Variants in EXOC6B observed in about 807,000 individuals in gnomAD.
EXOC6B encodes SEC15 homolog B.
A neutral mutation model predicts 113.5 loss-of-function variants in EXOC6B; 54 were observed. The ratio of observed to expected loss-of-function variants is 0.48; its 90% CI spans 0.38 to 0.60. EXOC6B has a LOEUF of 0.60. Among genes scored for constraint, EXOC6B ranks in the 20% least tolerant of loss-of-function variants. The pLI is 0.00. For synonymous variants in EXOC6B, 357 were observed against 339.0 expected, an observed-to-expected ratio of 1.05 and a Z score of -0.58; for missense variants, 797 against 977.5, an observed-to-expected ratio of 0.82 and a Z score of 2.46.
chr2:72,743,302 A>G (rs1448837137), intron 1 of EXOC6B, among the ~76,000 whole-genome samples: 3 of 152,174 alleles, frequency 2.0e-5, no homozygotes, highest in Non-Finnish European at 4.4e-5. Flanking sequence ...TCCACACAGT[A>G]ACAAAAATGA....
chr2:72,665,634 G>C (rs1278315915), intron 6 of EXOC6B, among the ~76,000 whole-genome samples: 1 of 152,256 alleles, frequency 6.6e-6, no homozygotes, highest in East Asian at 1.9e-4. Context: ...ATCCTTTTCA[G>C]ACAAGCAAAC....
At chr2:72,258,447 T>C (rs1683491502) in intron 20 of EXOC6B, among the ~76,000 whole-genome samples, 1 of 150,204 alleles carries the variant, frequency 6.7e-6, no homozygotes, top group Non-Finnish European at 1.5e-5. Flanking sequence ...CACTGCAGCA[T>C]TGACCTTGGG....
At chr2:72,790,912 G>A (rs961873455) in intron 1 of EXOC6B, among the ~76,000 whole-genome samples, 1 of 152,160 alleles carries the variant, frequency 6.6e-6, no homozygotes, top group Non-Finnish European at 1.5e-5. Context: ...GAAGTAGAGA[G>A]TAGAACTATG....
intron 19 of EXOC6B, among the ~76,000 whole-genome samples, chr2:72,337,246 T>A (rs1165055603): frequency 1.3e-5 from 2 of 152,158 alleles, no homozygotes; most frequent in Non-Finnish European, 2.9e-5. Context: ...TGTTAGGTGA[T>A]CAGCTAAAAT....
intron 18 of EXOC6B, among the ~76,000 whole-genome samples, chr2:72,421,951 A>G (rs956235665): frequency 1.3e-5 from 2 of 152,330 alleles, no homozygotes; most frequent in East Asian, 1.9e-4. Context: ...GCTCCAGGCA[A>G]TGAGGGACTT....
rs111940300 is a variant in EXOC6B, at chr2:72,326,898, G to C, written c.2196+8049C>G. Among the ~76,000 whole-genome samples the C allele has an allele frequency of 7.7e-3, 1,166 of 152,158 alleles. 15 individuals carry two copies. The highest frequency in any genetic ancestry group is 0.026 in the African/African-American group (1,070 of 41,522). ...AAAGTGCTGGGCAAGCCAGCGTTTG[G>C]TTAGACTGTGGCAATATGGGTTGAA... On this transcript the variant is annotated intron_variant, in intron 20 of 21. Coordinates refer to ENST00000272427, the MANE Select transcript of EXOC6B (RefSeq NM_015189.3).
chr2:72,771,290 T>C (rs921886866), intron 1 of EXOC6B, among the ~76,000 whole-genome samples: 3 of 152,244 alleles, frequency 2.0e-5, no homozygotes, highest in African/African-American at 7.2e-5. Context: ...AACTCTTGTA[T>C]AGCCTTTATG....
At chr2:72,272,221 C>T (rs537121627) in intron 20 of EXOC6B, among the ~76,000 whole-genome samples, 8 of 152,220 alleles carry the variant, frequency 5.3e-5, no homozygotes, top group African/African-American at 1.7e-4. Flanking sequence ...TGGATAAGTG[C>T]CCAATGTTTG....
At chr2:72,524,400 T>A (rs925064167) in intron 8 of EXOC6B, among the ~76,000 whole-genome samples, 4 of 152,020 alleles carry the variant, frequency 2.6e-5, no homozygotes, top group Non-Finnish European at 5.9e-5. Context: ...AACACTGAAT[T>A]CCCAGATGTA....
intron 8 of EXOC6B, among the ~76,000 whole-genome samples, chr2:72,528,314 T>C (rs1701834235): frequency 6.6e-6 from 1 of 152,110 alleles, no homozygotes; most frequent in South Asian, 2.1e-4. Context: ...TGTTCAATTC[T>C]TCTGACACTA....
chr2:72,445,603 G>A lies in EXOC6B; in HGVS notation c.1980+19557C>T, dbSNP rs189807480. Reference sequence around the variant, plus strand: ...GTGAAAGGAAGAACAAGTCATATGTGGATAGTGGCAGGCAAAGAGAGAGAG... The same window carrying A: ...GTGAAAGGAAGAACAAGTCATATGTAGATAGTGGCAGGCAAAGAGAGAGAG... On this transcript the variant is annotated intron_variant, in intron 18 of 21. Transcript: ENST00000272427. Among the ~76,000 whole-genome samples, 25 of 152,268 alleles carry A rather than the reference G, an allele frequency of 1.6e-4. 1 individual carries two copies. The East Asian group carries it at 4.8e-3, about 29-fold the overall frequency.
At chr2:72,320,553 T>C (rs577148728) in intron 20 of EXOC6B, among the ~76,000 whole-genome samples, 2 of 152,292 alleles carry the variant, frequency 1.3e-5, no homozygotes, top group Admixed American at 6.5e-5. Context: ...CCATACTTCA[T>C]ATCATATTGA....
At chr2:72,415,653 A>C (rs1007380085) in intron 18 of EXOC6B, among the ~76,000 whole-genome samples, 2 of 152,080 alleles carry the variant, frequency 1.3e-5, no homozygotes, top group African/African-American at 2.4e-5. Flanking sequence ...AAGCCAACTG[A>C]ATAACACTGT....
intron 11 of EXOC6B, among the ~76,000 whole-genome samples, chr2:72,511,984 C>G (rs186183030): frequency 6.6e-6 from 1 of 152,054 alleles, no homozygotes; most frequent in African/African-American, 2.4e-5. Context: ...GTCATTGACT[C>G]CTCACTATTA....
intron 20 of EXOC6B, among the ~76,000 whole-genome samples, chr2:72,293,561 A>T (rs1685940700): frequency 6.6e-6 from 1 of 152,140 alleles, no homozygotes; most frequent in Admixed American, 6.5e-5. Context: ...CCCTTCAGCT[A>T]TGGATCTGAG....
intron 17 of EXOC6B, among the ~76,000 whole-genome samples, chr2:72,469,854 T>G (rs1010152216): frequency 1.3e-5 from 2 of 152,136 alleles, no homozygotes; most frequent in Non-Finnish European, 2.9e-5. Context: ...TTCCAGAAAT[T>G]TTAATGACAA....
At chr2:72,422,782 C>T (rs546694983) in intron 18 of EXOC6B, among the ~76,000 whole-genome samples, 1 of 152,238 alleles carries the variant, frequency 6.6e-6, no homozygotes, top group Non-Finnish European at 1.5e-5. Flanking sequence ...TATGGTGGGG[C>T]CTTGGAGAAC....
intron 6 of EXOC6B, among the ~76,000 whole-genome samples, chr2:72,661,758 A>C (rs1675034482): frequency 6.6e-6 from 1 of 152,166 alleles, no homozygotes; most frequent in Admixed American, 6.5e-5. Context: ...AATTATTAAA[A>C]AGAAGAATAA....
chr2:72,395,792 G>T (rs1427808265), intron 18 of EXOC6B, among the ~76,000 whole-genome samples: 1 of 152,082 alleles, frequency 6.6e-6, no homozygotes, highest in Non-Finnish European at 1.5e-5. Flanking sequence ...GTGAAATGCA[G>T]ATAACGTCAC....
Sources: gnomAD v4.1 joint callset for allele counts (sites outside exome capture counted in the v4.1 genomes callset) on GRCh38, gnomAD v4.1.1 for gene constraint, MANE v1.5 for transcripts, NCBI Gene and HGNC (gene_info 2026-07-23, HGNC 2026-07-21) for gene names.